The following SUPT3H variants were observed in gnomAD, a reference collection of about 807,000 sequenced individuals.
SUPT3H encodes the protein SPT3 homolog, SAGA and STAGA complex component.
A neutral mutation model predicts 44.3 loss-of-function variants in SUPT3H; 44 were observed. The observed-to-expected ratio is 0.99, with a 90% confidence interval of 0.78 to 1.28. The LOEUF (loss-of-function observed/expected upper bound fraction) is 1.28, where lower values mean the gene tolerates loss of function less well. Among genes scored for constraint, SUPT3H ranks in the 50% most tolerant of loss-of-function variants. The pLI, the probability that SUPT3H is intolerant of heterozygous loss-of-function variation, is 0.00. For synonymous variants in SUPT3H, 124 were observed against 125.6 expected (o/e 0.99, Z 0.09); for missense variants, 380 against 387.1 (o/e 0.98, Z 0.15).
intron 10 of SUPT3H, among the ~76,000 whole-genome samples, chr6:44,930,548 G>A (rs1770410847): frequency 1.6e-5 from 2 of 122,844 alleles, no homozygotes; most frequent in African/African-American, 6.3e-5. Flanking sequence ...TGGGCAAACA[G>A]AGTGAGACTC....
intron 3 of SUPT3H, among the ~76,000 whole-genome samples, chr6:45,050,983 C>T (rs77010964): frequency 0.014 from 2,086 of 145,104 alleles, 35 homozygotes; most frequent in Middle Eastern, 0.047. Context: ...CTCCCAGGTT[C>T]ATGCCATTCT....
intron 10 of SUPT3H, among the ~76,000 whole-genome samples, chr6:44,921,102 T>C (rs967578796): frequency 7.2e-5 from 11 of 152,314 alleles, no homozygotes; most frequent in African/African-American, 2.6e-4. Flanking sequence ...TGGTTTCTTA[T>C]CTCCATACAC....
At chr6:45,008,338 T>C (rs1783000548) in intron 5 of SUPT3H, among the ~76,000 whole-genome samples, 1 of 152,116 alleles carries the variant, frequency 6.6e-6, no homozygotes, top group African/African-American at 2.4e-5. Context: ...TCAACAGCAC[T>C]TGTTATTATC....
intron 2 of SUPT3H, among the ~76,000 whole-genome samples, chr6:45,179,164 C>T (rs1444826876): frequency 1.3e-5 from 2 of 152,124 alleles, no homozygotes; most frequent in Non-Finnish European, 2.9e-5. Context: ...GTACACTCTC[C>T]CAAGACTAAA....
Position 44,903,409 on chromosome 6 carries a change from G to A in SUPT3H, c.912+29244C>T, listed in dbSNP as rs1445006692. Among the ~76,000 whole-genome samples the A allele has an allele frequency of 2.6e-5, 4 of 152,156 alleles. No individual in the cohort carries two copies. In the East Asian group the frequency reaches 5.8e-4, roughly 22 times the overall value. ...CAGAGAATACTATAAACACCTCTAC[G>A]CAAATAAACTAGAAAATCTAGAAGA... On this transcript the variant is annotated intron_variant, in intron 10 of 10. Coordinates refer to ENST00000371459, the MANE Select transcript of SUPT3H (RefSeq NM_003599.4).
At chr6:45,290,265 C>T (rs1033599086) in intron 2 of SUPT3H, among the ~76,000 whole-genome samples, 25 of 152,058 alleles carry the variant, frequency 1.6e-4, no homozygotes, top group African/African-American at 5.8e-4. Context: ...AGTAAAAAGG[C>T]TCTTGCTTTT....
chr6:45,295,226 C>T (rs1431701917), intron 2 of SUPT3H, among the ~76,000 whole-genome samples: 1 of 151,570 alleles, frequency 6.6e-6, no homozygotes, highest in Non-Finnish European at 1.5e-5. Context: ...AAAAAACAAA[C>T]AAACAAAACA....
intron 3 of SUPT3H, among the ~76,000 whole-genome samples, chr6:45,037,536 T>G (rs942027109): frequency 6.6e-6 from 1 of 151,402 alleles, no homozygotes; most frequent in Admixed American, 6.6e-5. Context: ...TTGTGATGCA[T>G]TCCTGTAATC....
At chr6:45,302,493 T>C (rs922784687) in intron 2 of SUPT3H, among the ~76,000 whole-genome samples, 13 of 141,366 alleles carry the variant, frequency 9.2e-5, no homozygotes, top group African/African-American at 3.4e-4. Flanking sequence ...GAATATATAA[T>C]ATATAATGAA....
chr6:45,344,268 C>T (rs1790406872), intron 2 of SUPT3H, among the ~76,000 whole-genome samples: 1 of 152,164 alleles, frequency 6.6e-6, no homozygotes, highest in African/African-American at 2.4e-5. Flanking sequence ...AATTTTCAAT[C>T]TTATTTCTTA....
Position 45,023,913 on chromosome 6 carries a change from AAAAAC to A in SUPT3H, c.187-3286_187-3282del, listed in dbSNP as rs893702595. 5.9e-5 allele frequency among the ~76,000 whole-genome samples: 9 copies of A among 152,286 alleles called. No homozygotes were observed. In the East Asian group the frequency reaches 1.2e-3, roughly 20 times the overall value. ...TACCCCTGAACCTAAAATAAAAGTT[AAAAAC>A]AAAACAAAACAAAACAAAAAACAGG... On this transcript the variant is annotated intron_variant, in intron 3 of 10. Transcript: ENST00000371459.
intron 2 of SUPT3H, among the ~76,000 whole-genome samples, chr6:45,231,348 G>A (rs1768011221): frequency 6.6e-6 from 1 of 152,134 alleles, no homozygotes; most frequent in Non-Finnish European, 1.5e-5. Flanking sequence ...CCTTCATGAA[G>A]AATCATTTTG....
chr6:45,228,702 G>A (rs1411224040), intron 2 of SUPT3H, among the ~76,000 whole-genome samples: 2 of 151,956 alleles, frequency 1.3e-5, no homozygotes, highest in African/African-American at 4.8e-5. Flanking sequence ...AGGCTGCAGT[G>A]CAGTGGCACA....
intron 3 of SUPT3H, among the ~76,000 whole-genome samples, chr6:45,039,797 A>T (rs1416602796): frequency 1.3e-5 from 2 of 150,926 alleles, no homozygotes; most frequent in African/African-American, 4.9e-5. Flanking sequence ...AAAAAGAAAA[A>T]AACAAAAACA....
At chr6:44,959,965 A>G (rs893848843) in intron 7 of SUPT3H, among the ~76,000 whole-genome samples, 1 of 152,162 alleles carries the variant, frequency 6.6e-6, no homozygotes, top group African/African-American at 2.4e-5. Flanking sequence ...TTTGCCATAT[A>G]AAACAGATTT....
At chr6:45,172,188 T>TA (rs1810918440) in intron 2 of SUPT3H, among the ~76,000 whole-genome samples, 3 of 151,514 alleles carry the variant, frequency 2.0e-5, no homozygotes, top group African/African-American at 7.3e-5. Flanking sequence ...TTCTCCTCCC[T>TA]CAGCCTCCAG....
chr6:44,860,742 T>C (rs1033487362), intron 10 of SUPT3H, among the ~76,000 whole-genome samples: 4 of 152,190 alleles, frequency 2.6e-5, no homozygotes, highest in Non-Finnish European at 5.9e-5. Context: ...CTTGGTATTC[T>C]AGCCACTAAC....
At chr6:44,885,339 C>A (rs1762079677) in intron 10 of SUPT3H, among the ~76,000 whole-genome samples, 1 of 152,256 alleles carries the variant, frequency 6.6e-6, no homozygotes, top group South Asian at 2.1e-4. Context: ...ACACCTGACC[C>A]CGAGAAGCCT....
Position 45,366,352 on chromosome 6 carries a change from C to T in SUPT3H, c.1-1051G>A, listed in dbSNP as rs1795132606. 4.1e-5 allele frequency among the ~76,000 whole-genome samples: 6 copies of T among 147,528 alleles called. No individual in the cohort carries two copies. In the South Asian group the frequency reaches 1.3e-3, roughly 31 times the overall value. ...GGGCAAGTTACCTAACTTCTCTGTG[C>T]TTCAGTTTCCTCATCTGTAAATGGC... is the stretch of plus-strand genomic sequence containing the variant. On this transcript the variant is annotated intron_variant, in intron 1 of 10. Transcript: ENST00000371459.
Sources: gnomAD v4.1 joint callset for allele counts (sites outside exome capture counted in the v4.1 genomes callset) on GRCh38, gnomAD v4.1.1 for gene constraint, MANE v1.5 for transcripts, NCBI Gene and HGNC (gene_info 2026-07-23, HGNC 2026-07-21) for gene names.